LINGO2: variants seen among roughly 807,000 people sequenced by gnomAD.
LINGO2 encodes the protein leucine rich repeat and Ig domain containing 2.
LINGO2 carries 14 observed loss-of-function variants against 30.6 expected under a neutral mutation model. The observed-to-expected ratio is 0.46, with a 90% CI of 0.30 to 0.72. LINGO2 has a LOEUF of 0.72. Among genes scored for constraint, LINGO2 ranks in the 30% least tolerant of loss-of-function variants. LINGO2 has a pLI of 0.07. For synonymous variants in LINGO2, 317 were observed against 288.5 expected, an observed-to-expected ratio of 1.10 and a Z score of -1.00; for missense variants, 729 against 751.7, an observed-to-expected ratio of 0.97 and a Z score of 0.35.
the LINGO2 span, among the ~76,000 whole-genome samples, chr9:29,092,433 G>C: frequency 5.9e-5 from 9 of 152,060 alleles, no homozygotes; most frequent in African/African-American, 2.2e-4. Flanking sequence ...CCAATTATTG[G>C]CTGTAAAATA....
chr9:28,832,191 T>C, the LINGO2 span, among the ~76,000 whole-genome samples: 18 of 152,316 alleles, frequency 1.2e-4, no homozygotes, highest in African/African-American at 4.1e-4. Flanking sequence ...GAAAAGCAGT[T>C]GGAGTTGGCA....
chr9:28,534,203 C>A (rs1821341202), intron 1 of LINGO2, among the ~76,000 whole-genome samples: 1 of 152,046 alleles, frequency 6.6e-6, no homozygotes, highest in Non-Finnish European at 1.5e-5. Context: ...TGTCACCAGG[C>A]TGGAGTACAG....
the LINGO2 span, among the ~76,000 whole-genome samples, chr9:29,070,742 C>CA: frequency 0.21 from 30,552 of 143,144 alleles, 3,278 homozygotes; most frequent in East Asian, 0.41. Context: ...CACTATTTTC[C>CA]AAAAAAAAAA....
the LINGO2 span, among the ~76,000 whole-genome samples, chr9:29,114,692 T>C: frequency 6.6e-6 from 1 of 151,754 alleles, no homozygotes; most frequent in East Asian, 1.9e-4. Context: ...CTGAGAATGA[T>C]GGTTTCCAGC....
At chr9:29,069,468 T>C in the LINGO2 span, among the ~76,000 whole-genome samples, 1 of 147,576 alleles carries the variant, frequency 6.8e-6, no homozygotes, top group Non-Finnish European at 1.5e-5. Flanking sequence ...TGAAACACTT[T>C]ATTAAAGGGA....
chr9:28,679,072 C>T, the LINGO2 span, among the ~76,000 whole-genome samples: 1 of 152,026 alleles, frequency 6.6e-6, no homozygotes, highest in African/African-American at 2.4e-5. Context: ...TGTGTTCACT[C>T]AGCTGTTTCT....
chr9:28,772,963 T>C, the LINGO2 span, among the ~76,000 whole-genome samples: 2,493 of 152,262 alleles, frequency 0.016, 57 homozygotes, highest in African/African-American at 0.057. Flanking sequence ...ACTCATTCCA[T>C]AGTATCACGT....
At chr9:28,774,316 A>C in the LINGO2 span, among the ~76,000 whole-genome samples, 1 of 152,208 alleles carries the variant, frequency 6.6e-6, no homozygotes, top group Non-Finnish European at 1.5e-5. Context: ...GCAAAAAAGA[A>C]AGAGGATTCC....
the LINGO2 span, among the ~76,000 whole-genome samples, chr9:29,174,561 T>C: frequency 1.6e-4 from 24 of 152,224 alleles, no homozygotes; most frequent in Admixed American, 6.5e-5. Flanking sequence ...CTTTTGAAAA[T>C]ACATAATCTT....
intron 2 of LINGO2, among the ~76,000 whole-genome samples, chr9:28,407,964 G>A (rs1042892977): frequency 3.3e-5 from 5 of 152,030 alleles, no homozygotes; most frequent in African/African-American, 1.2e-4. Context: ...CCTTGACTGG[G>A]CAAAGTAACT....
At chr9:29,106,255 C>G in the LINGO2 span, among the ~76,000 whole-genome samples, 3 of 152,104 alleles carry the variant, frequency 2.0e-5, no homozygotes, top group Admixed American at 6.6e-5. Flanking sequence ...TGACTCAGCA[C>G]CGTGCTAGGA....
At chr9:28,835,688 G>A in the LINGO2 span, among the ~76,000 whole-genome samples, 2 of 152,134 alleles carry the variant, frequency 1.3e-5, no homozygotes, top group African/African-American at 2.4e-5. Flanking sequence ...TGTCCAGCTT[G>A]CTAACATTTT....
chr9:28,854,832 G>A, the LINGO2 span, among the ~76,000 whole-genome samples: 62,806 of 151,566 alleles, frequency 0.41, 13,804 homozygotes, highest in Middle Eastern at 0.55. Context: ...TCAGCCTTAT[G>A]TTCTTTGGCA....
At chr9:28,992,563 T>A in the LINGO2 span, among the ~76,000 whole-genome samples, 1 of 152,212 alleles carries the variant, frequency 6.6e-6, no homozygotes, top group South Asian at 2.1e-4. Flanking sequence ...GAATATATAT[T>A]TTTTTCAGCA....
intron 1 of LINGO2, among the ~76,000 whole-genome samples, chr9:28,621,592 TG>T: frequency 6.6e-6 from 1 of 152,056 alleles, no homozygotes; most frequent in South Asian, 2.1e-4. Flanking sequence ...CAAATGTTCC[TG>T]AGATATATAA....
the LINGO2 span, among the ~76,000 whole-genome samples, chr9:28,787,092 T>C: frequency 6.6e-6 from 1 of 152,172 alleles, no homozygotes; most frequent in African/African-American, 2.4e-5. Context: ...CAGGTAGTGA[T>C]GTTGCTTAGA....
At chr9:29,106,102 A>T in the LINGO2 span, among the ~76,000 whole-genome samples, 1 of 152,172 alleles carries the variant, frequency 6.6e-6, no homozygotes, top group East Asian at 1.9e-4. Flanking sequence ...GCAATTTGTT[A>T]TGCAGCAATA....
the LINGO2 span, among the ~76,000 whole-genome samples, chr9:28,924,594 C>A: frequency 6.6e-6 from 1 of 152,154 alleles, no homozygotes; most frequent in Non-Finnish European, 1.5e-5. Flanking sequence ...TGCAGTCCAG[C>A]AGGTAATAAC....
chr9:28,704,473 T>C, the LINGO2 span, among the ~76,000 whole-genome samples: 417 of 152,202 alleles, frequency 2.7e-3, 3 homozygotes, highest in African/African-American at 9.6e-3. Flanking sequence ...GTGTCTGACA[T>C]TAATTTGAGG....
Sources: gnomAD v4.1 joint callset for allele counts (sites outside exome capture counted in the v4.1 genomes callset) on GRCh38, gnomAD v4.1.1 for gene constraint, MANE v1.5 for transcripts, NCBI Gene and HGNC (gene_info 2026-07-23, HGNC 2026-07-21) for gene names.